Variants in CSF1R observed in about 807,000 individuals in gnomAD.
CSF1R encodes colony stimulating factor 1 receptor.
A neutral mutation model predicts 110.0 loss-of-function variants in CSF1R; 40 were observed. That is an observed-to-expected ratio of 0.36 (90% CI 0.28 to 0.47). The LOEUF (loss-of-function observed/expected upper bound fraction) is 0.47. Among genes scored for constraint, CSF1R ranks in the 20% least tolerant of loss-of-function variants. The pLI is 0.99. For missense variants in CSF1R, 1,052 were observed against 1,253.0 expected, an observed-to-expected ratio of 0.84 and a Z score of 2.42; for synonymous variants, 523 against 503.4, an observed-to-expected ratio of 1.04 and a Z score of -0.52.
Position 150,077,417 on chromosome 5 carries a change from ATTG to A in CSF1R, c.745_747del (p.Gln249del). On this transcript the variant is annotated inframe_deletion, in exon 5 of 21. Coordinates refer to ENST00000675795, the MANE Select transcript of CSF1R (RefSeq NM_001288705.3). Reference sequence around the variant, plus strand: ...TGGTAACGGTTATTATGAAAGTCAGATTGTTGAGGGATTGCGAGCTGCAGCCAG... The same window carrying A: ...TGGTAACGGTTATTATGAAAGTCAGATTGAGGGATTGCGAGCTGCAGCCAG... 1 of 1,612,730 alleles carries A rather than the reference ATTG, an allele frequency of 6.2e-7. No homozygotes were observed.
At chr5:150,085,988 G>A (rs1758828755) in intron 1 of CSF1R, among the ~76,000 whole-genome samples, 1 of 152,172 alleles carries the variant, frequency 6.6e-6, no homozygotes, top group African/African-American at 2.4e-5. Context: ...AATCTGCATT[G>A]TAACAAAATC....
chr5:150,080,759 C>A lies in CSF1R; in HGVS notation c.307+8G>T. The A allele has an allele frequency of 1.9e-6, 3 of 1,614,022 alleles. No homozygotes were observed. Among genetic ancestry groups the A allele is most frequent in the Non-Finnish European group, 2.5e-6 (3 of 1,179,970 alleles). On this transcript the variant is annotated splice_region_variant and intron_variant, in intron 2 of 20. Coordinates refer to ENST00000675795, the MANE Select transcript of CSF1R (RefSeq NM_001288705.3). ...CAGGCCTCTTGGGAGGAGGCTCAGACTCCTCACCTTTGACATAGAGGTGGA... is the reference window on the plus strand; with the variant it reads ...CAGGCCTCTTGGGAGGAGGCTCAGAATCCTCACCTTTGACATAGAGGTGGA...
chr5:150,081,030 G>A lies in CSF1R; in HGVS notation c.50-6C>T. 2 of 1,613,652 alleles carry A rather than the reference G, an allele frequency of 1.2e-6. No homozygotes were observed. Among genetic ancestry groups the A allele is most frequent in the Middle Eastern group, 3.3e-4 (2 of 6,058 alleles). ...TATCACTGGGATTCCCTGACCTGGT[G>A]GGAGAGAGGGACAGCAGACAGAAGT... is the stretch of plus-strand genomic sequence containing the variant. On this transcript the variant is annotated splice_region_variant and splice_polypyrimidine_tract_variant and intron_variant, in intron 1 of 20. Coordinates refer to ENST00000675795, the MANE Select transcript of CSF1R (RefSeq NM_001288705.3).
chr5:150,100,903 G>A (rs1208609241), intron 1 of CSF1R, among the ~76,000 whole-genome samples: 3 of 151,968 alleles, frequency 2.0e-5, no homozygotes, highest in Admixed American at 6.6e-5. Flanking sequence ...ATACAGCTAC[G>A]CACAATTATA....
chr5:150,104,283 G>T (rs1759484914), intron 1 of CSF1R, among the ~76,000 whole-genome samples: 1 of 152,248 alleles, frequency 6.6e-6, no homozygotes, highest in Non-Finnish European at 1.5e-5. Context: ...GAGGGGTGGA[G>T]GCTACAGTAG....
chr5:150,105,378 ATATATATT>A (rs1232963404), intron 1 of CSF1R, among the ~76,000 whole-genome samples: 335 of 89,844 alleles, frequency 3.7e-3, no homozygotes, highest in African/African-American at 0.015. Flanking sequence ...ATATATATAT[ATATATATT>A]TTTTTTTTTT....
intron 1 of CSF1R, among the ~76,000 whole-genome samples, chr5:150,082,871 C>T (rs1295558277): frequency 1.3e-5 from 2 of 152,214 alleles, no homozygotes; most frequent in East Asian, 1.9e-4. Context: ...TCTGGGCCAA[C>T]TCTGATCGCT....
chr5:150,059,782 C>G lies in CSF1R; in HGVS notation c.2050G>C (p.Gly684Arg), dbSNP rs763835789. 6.2e-7 allele frequency: 1 copy of G among 1,614,174 alleles called. No individual in the cohort carries two copies. The stretch of plus-strand genomic sequence containing the variant: ...TCCTGGCCGGGGCTCAGGCTGGGTC[C>G]CAGCATGGCCTCAGCCTTCCTTCGC... ...FLRRKAEAMLGPSLSPGQDPE... is the reference protein window; with the variant it reads ...FLRRKAEAMLRPSLSPGQDPE... The change falls in exon 14 of 21, where the codon GGA becomes CGA. Residue 684 changes from glycine to arginine, a missense_variant. By Grantham distance (125) the Gly-to-Arg change is moderately radical (BLOSUM62 -2). Around this residue, in one of 5 missense-constraint regions of CSF1R, gnomAD observed 124 missense variants for 117.7 expected, o/e 1.05. Coordinates refer to ENST00000675795, the MANE Select transcript of CSF1R (RefSeq NM_001288705.3).
chr5:150,079,058 A>G (rs1284856630), intron 3 of CSF1R, among the ~76,000 whole-genome samples: 1 of 152,206 alleles, frequency 6.6e-6, no homozygotes, highest in Non-Finnish European at 1.5e-5. Flanking sequence ...ATTTATGCCC[A>G]TTGCTGCTGT....
chr5:150,058,510 TG>T, intron 14 of CSF1R, among the ~76,000 whole-genome samples: 1 of 152,338 alleles, frequency 6.6e-6, no homozygotes, highest in South Asian at 2.1e-4. Flanking sequence ...TTGACAGAGT[TG>T]GTTTACAGGC....
upstream of CSF1R, among the ~76,000 whole-genome samples, chr5:150,089,720 G>A (rs1758974681): frequency 1.3e-5 from 2 of 152,178 alleles, no homozygotes; most frequent in South Asian, 2.1e-4. Flanking sequence ...ATGGAATCTC[G>A]AGGGACATTG....
In CSF1R at chr5:150,053,821, G is replaced by A. The variant is rs1438153450; in HGVS notation, c.*248C>T. On this transcript the variant is annotated 3_prime_UTR_variant, in exon 21 of 21. Coordinates refer to ENST00000675795, the MANE Select transcript of CSF1R (RefSeq NM_001288705.3). ...ATAGCAAACACGAGGCCAACACCAT[G>A]AGAACAGTAGGGGAGGGGGGGGTGA... 5.5e-6 allele frequency: 3 copies of A among 549,008 alleles called. No individual in the cohort carries two copies. The highest frequency in any genetic ancestry group is 4.7e-4 in the Middle Eastern group (1 of 2,148). 34.0% of individuals were successfully genotyped at this position (549,008 alleles called of 1,614,324 possible). A position where few individuals can be genotyped will look rare whatever the true frequency, so the allele number is the denominator to read the frequency against.
intron 2 of CSF1R, 46 bp downstream of exon 2, chr5:150,080,721 G>T (rs566931060): frequency 1.2e-6 from 2 of 1,608,686 alleles, no homozygotes; most frequent in East Asian, 2.2e-5. Flanking sequence ...CATTGTAGTG[G>T]GGCCTGCCGG....
chr5:150,072,028 C>A (rs1381026064), intron 6 of CSF1R, among the ~76,000 whole-genome samples: 1 of 152,172 alleles, frequency 6.6e-6, no homozygotes, highest in Non-Finnish European at 1.5e-5. Context: ...CTCTCATGAG[C>A]CAACTATGCT....
At chr5:150,092,708 GC>G (rs936029722) in intron 1 of CSF1R, among the ~76,000 whole-genome samples, 2 of 152,076 alleles carry the variant, frequency 1.3e-5, no homozygotes, top group African/African-American at 4.8e-5. Flanking sequence ...GGGGAAAACT[GC>G]CCCCATGATT....
chr5:150,079,480 C>T (rs1344114590), intron 3 of CSF1R, among the ~76,000 whole-genome samples: 1 of 152,208 alleles, frequency 6.6e-6, no homozygotes, highest in Non-Finnish European at 1.5e-5. Flanking sequence ...CCGCGAGAGC[C>T]ATCACACGCA....
chr5:150,089,471 A>G (rs1204551986), upstream of CSF1R, among the ~76,000 whole-genome samples: 1 of 152,248 alleles, frequency 6.6e-6, no homozygotes, highest in Non-Finnish European at 1.5e-5. Context: ...TATCAAAAAT[A>G]AAATATTTTG....
rs866124969 is a variant in CSF1R, at chr5:150,059,940, G to T, written c.1970-78C>A. 37 of 1,501,820 alleles carry T rather than the reference G, an allele frequency of 2.5e-5. No individual in the cohort carries two copies. The African/African-American group carries it at 4.6e-4, about 18-fold the overall frequency. The allele number at this position is 1,501,820 out of a possible 1,614,324, so 93.0% of individuals were successfully genotyped here. A position where few individuals can be genotyped will look rare whatever the true frequency, so the allele number is the denominator to read the frequency against. On this transcript the variant is annotated intron_variant, in intron 13 of 20. Coordinates refer to ENST00000675795, the MANE Select transcript of CSF1R (RefSeq NM_001288705.3). ...GAACAGGAGCATGAGACTGGGGGCAGTGAGGCCACTGGACTTGGACTCAGC... is the reference window on the plus strand; with the variant it reads ...GAACAGGAGCATGAGACTGGGGGCATTGAGGCCACTGGACTTGGACTCAGC...
intron 1 of CSF1R, among the ~76,000 whole-genome samples, chr5:150,105,515 C>G (rs891810700): frequency 1.1e-4 from 16 of 151,324 alleles, no homozygotes; most frequent in Admixed American, 9.2e-4. Context: ...TACACCTGGC[C>G]TCTTTTTTTT....
Sources: gnomAD v4.1 joint callset for allele counts (sites outside exome capture counted in the v4.1 genomes callset) on GRCh38, gnomAD v4.1.1 for gene constraint, gnomAD v4.1.1 regional missense constraint, MANE v1.5 for transcripts, NCBI Gene and HGNC (gene_info 2026-07-23, HGNC 2026-07-21) for gene names.